The following PAPOLG variants were observed in gnomAD, a reference collection of about 807,000 sequenced individuals.
PAPOLG encodes poly(A) polymerase gamma, also known as PAP-gamma.
Under a neutral mutation model 99.0 loss-of-function variants are expected in PAPOLG, and 40 were observed. That is an observed-to-expected ratio of 0.40 (90% CI 0.31 to 0.53). PAPOLG has a LOEUF of 0.53. Ranked by LOEUF, PAPOLG falls within the 20% of genes least tolerant of loss-of-function variation. PAPOLG has a pLI of 0.41. For missense variants in PAPOLG, 675 were observed against 884.1 expected, an observed-to-expected ratio of 0.76 and a Z score of 3.00; for synonymous variants, 310 against 299.3, an observed-to-expected ratio of 1.04 and a Z score of -0.37.
At chr2:60,774,817 G>A (rs571553561) in intron 7 of PAPOLG, among the ~76,000 whole-genome samples, 1 of 152,242 alleles carries the variant, frequency 6.6e-6, no homozygotes, top group East Asian at 1.9e-4. Context: ...AAAATACTCA[G>A]GCACATCTCA....
rs1331037207 is a variant in PAPOLG, at chr2:60,779,443, G to C, written c.695-194G>C. The C allele has an allele frequency of 1.3e-5, 7 of 534,186 alleles. No individual in the cohort carries two copies. In the East Asian group the frequency reaches 2.1e-4, roughly 16 times the overall value. The allele number at this position is 534,186 out of a possible 1,614,324, so 33.1% of individuals were successfully genotyped here. On this transcript the variant is annotated intron_variant, in intron 8 of 21. Coordinates refer to ENST00000238714, the MANE Select transcript of PAPOLG (RefSeq NM_022894.4). Reference sequence around the variant, plus strand: ...ATTTATGGTTTACTAATTAGACTGTGGGCCTAATGTGAAGGTCTGCTTATC... The same window carrying C: ...ATTTATGGTTTACTAATTAGACTGTCGGCCTAATGTGAAGGTCTGCTTATC...
intron 15 of PAPOLG, among the ~76,000 whole-genome samples, chr2:60,790,052 C>A (rs1671483640): frequency 6.6e-6 from 1 of 152,168 alleles, no homozygotes; most frequent in Admixed American, 6.5e-5. Flanking sequence ...TGAGATCTCG[C>A]TGTTGCACTC....
In PAPOLG at chr2:60,779,788, G is replaced by A. The variant is rs756770645; in HGVS notation, c.833+13G>A. The A allele has an allele frequency of 2.4e-5, 38 of 1,602,664 alleles. No homozygotes were observed. Among genetic ancestry groups the A allele is most frequent in the African/African-American group, 9.4e-5 (7 of 74,636 alleles). On this transcript the variant is annotated intron_variant, in intron 9 of 21. Transcript: ENST00000238714. ...TTTTTTCCAAGTGGTAAGTATTTAC[G>A]TGTGTACTTTGACTGTTTACTAATC... is the stretch of plus-strand genomic sequence containing the variant.
At chr2:60,765,237 T>A in intron 3 of PAPOLG, among the ~76,000 whole-genome samples, 1 of 119,614 alleles carries the variant, frequency 8.4e-6, no homozygotes, top group Middle Eastern at 4.6e-3. Context: ...CCTAGCTACT[T>A]TTTTTTTTTT....
In PAPOLG at chr2:60,761,612, T is replaced by C. The variant is rs1670522759; in HGVS notation, c.180-129T>C. 11 of 717,516 alleles carry C rather than the reference T, an allele frequency of 1.5e-5. No homozygotes were observed. The South Asian group carries it at 2.0e-4, about 13-fold the overall frequency. 44.4% of individuals were successfully genotyped at this position (717,516 alleles called of 1,614,324 possible). A position where few individuals can be genotyped will look rare whatever the true frequency, so the allele number is the denominator to read the frequency against. ...GATGGCCCTGTGTCAGTAGATGTGA[T>C]AGCATTATCACATATATGTTATGGT... On this transcript the variant is annotated intron_variant, in intron 2 of 21. Transcript: ENST00000238714.
chr2:60,788,743 C>A (rs1671441760), intron 15 of PAPOLG, among the ~76,000 whole-genome samples: 1 of 152,126 alleles, frequency 6.6e-6, no homozygotes, highest in Non-Finnish European at 1.5e-5. Context: ...TGCTTGTAAT[C>A]CTAATACTTT....
intron 6 of PAPOLG, 22 bp downstream of exon 6, chr2:60,770,533 G>C (rs1190324550): frequency 6.8e-7 from 1 of 1,474,740 alleles, no homozygotes; most frequent in South Asian, 1.2e-5. Context: ...ATATTTTTCT[G>C]ACTTTACAAT....
At chr2:60,794,886 A>G in intron 20 of PAPOLG, 78 bp from the exon 21 acceptor site, 2 of 1,579,394 alleles carry the variant, frequency 1.3e-6, no homozygotes, top group Non-Finnish European at 8.7e-7. Flanking sequence ...GGTTTTCGTT[A>G]GGTTTTATTT....
intron 6 of PAPOLG, 22 bp downstream of exon 6, chr2:60,770,533 G>T: frequency 6.8e-7 from 1 of 1,474,738 alleles, no homozygotes; most frequent in South Asian, 1.2e-5. Flanking sequence ...ATATTTTTCT[G>T]ACTTTACAAT....
At chr2:60,787,469 A>C (rs1238029203) in intron 14 of PAPOLG, 42 bp from the exon 15 acceptor site, 2 of 1,559,338 alleles carry the variant, frequency 1.3e-6, no homozygotes, top group Non-Finnish European at 1.7e-6. Flanking sequence ...AGTTGTAAAA[A>C]ATAATAATAA....
At chr2:60,757,072 C>T (rs903514188) in intron 1 of PAPOLG, among the ~76,000 whole-genome samples, 3 of 151,716 alleles carry the variant, frequency 2.0e-5, no homozygotes, top group Non-Finnish European at 4.4e-5. Context: ...AGAAACAGTT[C>T]CCGTACTTGG....
At chr2:60,776,982 A>G (rs561291653) in intron 8 of PAPOLG, among the ~76,000 whole-genome samples, 5 of 152,170 alleles carry the variant, frequency 3.3e-5, no homozygotes, top group Non-Finnish European at 7.3e-5. Flanking sequence ...AGTTGTGGAG[A>G]TGGCTTCTTT....
Position 60,787,150 on chromosome 2 carries a change from T to C in PAPOLG, c.1286+84T>C, listed in dbSNP as rs116652709. The stretch of plus-strand genomic sequence containing the variant: ...CATTTCAGAGTAATTGTGAGATTTT[T>C]GTTTAACAGGCATTGATGGGAGTAT... On this transcript the variant is annotated intron_variant, in intron 14 of 21. Coordinates refer to ENST00000238714, the MANE Select transcript of PAPOLG (RefSeq NM_022894.4). 1.3e-3 allele frequency: 1,553 copies of C among 1,232,914 alleles called. 16 individuals are homozygous for C. In the African/African-American group the frequency reaches 0.022, roughly 17 times the overall value. The allele number at this position is 1,232,914 out of a possible 1,614,324, so 76.4% of individuals were successfully genotyped here. A position where few individuals can be genotyped will look rare whatever the true frequency, so the allele number is the denominator to read the frequency against.
chr2:60,767,073 G>T (rs1345919139), intron 3 of PAPOLG, among the ~76,000 whole-genome samples: 2 of 152,200 alleles, frequency 1.3e-5, no homozygotes, highest in Non-Finnish European at 2.9e-5. Context: ...AGAATTAGGG[G>T]AGTAGTCGTT....
intron 10 of PAPOLG, among the ~76,000 whole-genome samples, chr2:60,781,047 A>C (rs534633407): frequency 6.6e-6 from 1 of 152,276 alleles, no homozygotes; most frequent in African/African-American, 2.4e-5. Flanking sequence ...AGTGTGGAAA[A>C]AATGTCTCAA....
At chr2:60,788,634 T>C (rs1671438330) in intron 15 of PAPOLG, among the ~76,000 whole-genome samples, 1 of 152,134 alleles carries the variant, frequency 6.6e-6, no homozygotes, top group Non-Finnish European at 1.5e-5. Context: ...GTTATCTGTT[T>C]TAAAACAAAG....
At position 60,763,624 on chromosome 2, in the gene PAPOLG, C is replaced by T. The variant is rs531273909; in HGVS notation, c.246+1817C>T. Among the ~76,000 whole-genome samples the T allele has an allele frequency of 1.6e-4, 24 of 152,070 alleles. No homozygotes were observed. The South Asian group carries it at 4.6e-3, about 29-fold the overall frequency. ...GTTCAAACGATTCTCCTGTCTTAGC[C>T]GCCCAAGTAGCTGGGGCTACAGGTG... On this transcript the variant is annotated intron_variant, in intron 3 of 21. Coordinates refer to ENST00000238714, the MANE Select transcript of PAPOLG (RefSeq NM_022894.4).
chr2:60,787,002 G>A lies in PAPOLG; in HGVS notation c.1222G>A (p.Glu408Lys). ...RVLVGNLERN[E>K]FITLAHVNPQ... Reference sequence around the variant, plus strand: ...ACTTGTTGGAAACTTGGAACGGAATGAATTTATTACTCTTGCCCATGTGAA... The same window carrying A: ...ACTTGTTGGAAACTTGGAACGGAATAAATTTATTACTCTTGCCCATGTGAA... The change falls in exon 14 of 22, where the codon GAA becomes AAA. Residue 408 changes from glutamate to lysine, a missense_variant. Glu to Lys is a moderately conservative substitution (Grantham distance 56, BLOSUM62 1). Around this residue, in one of 3 missense-constraint regions of PAPOLG, gnomAD observed 413 missense variants for 460.5 expected, o/e 0.90. Coordinates refer to ENST00000238714, the MANE Select transcript of PAPOLG (RefSeq NM_022894.4). 6.2e-7 allele frequency: 1 copy of A among 1,612,844 alleles called. No individual in the cohort carries two copies. The highest frequency in any genetic ancestry group is 8.5e-7 in the Non-Finnish European group (1 of 1,179,004).
rs765217901 is a variant in PAPOLG, at chr2:60,786,990, T to C, written c.1210T>C (p.Leu404=). 1.9e-6 allele frequency: 3 copies of C among 1,612,650 alleles called. No homozygotes were observed. Among genetic ancestry groups the C allele is most frequent in the Admixed American group, 3.3e-5 (2 of 59,948 alleles). ...ESKIRVLVGN[L]ERNEFITLAH... Reference sequence around the variant, plus strand: ...TAAAATCCGTGTACTTGTTGGAAACTTGGAACGGAATGAATTTATTACTCT... The same window carrying C: ...TAAAATCCGTGTACTTGTTGGAAACCTGGAACGGAATGAATTTATTACTCT... The change falls in exon 14 of 22, where the codon TTG becomes CTG. Residue 404 remains leucine, a synonymous_variant. Transcript: ENST00000238714.
Sources: gnomAD v4.1 joint callset for allele counts (sites outside exome capture counted in the v4.1 genomes callset) on GRCh38, gnomAD v4.1.1 for gene constraint, gnomAD v4.1.1 regional missense constraint, MANE v1.5 for transcripts, NCBI Gene and HGNC (gene_info 2026-07-23, HGNC 2026-07-21) for gene names.